RADIL: variants seen among roughly 807,000 people sequenced by gnomAD.
RADIL encodes ras-associating and dilute domain-containing protein.
A neutral mutation model predicts 97.6 loss-of-function variants in RADIL; 99 were observed. That is an observed-to-expected ratio of 1.01 (90% CI 0.86 to 1.20). The LOEUF (loss-of-function observed/expected upper bound fraction) is 1.20. Ranked by LOEUF, RADIL falls within the 50% of genes most tolerant of loss-of-function variation. The pLI is 0.00. For missense variants in RADIL, 1,765 were observed against 1,498.9 expected, an observed-to-expected ratio of 1.18 and a Z score of -2.93; for synonymous variants, 803 against 691.8, an observed-to-expected ratio of 1.16 and a Z score of -2.52.
At position 4,881,057 on chromosome 7, in the gene RADIL, G is replaced by A. The variant is rs1222352742; in HGVS notation, c.-65+2539C>T. Among the ~76,000 whole-genome samples the A allele has an allele frequency of 7.6e-5, 10 of 130,836 alleles. No individual in the cohort carries two copies. The South Asian group carries it at 7.7e-4, about 10-fold the overall frequency. 85.8% of individuals were successfully genotyped at this position (130,836 alleles called of 152,430 possible). ...CCAGGCTACAGTGAGCTATGATTGC[G>A]CCACGTCACTCCAGCCTGGGCAATG... On this transcript the variant is annotated intron_variant, in intron 1 of 14. Coordinates refer to ENST00000399583, the MANE Select transcript of RADIL (RefSeq NM_018059.5).
At chr7:4,853,384 T>G (rs947587178) in intron 2 of RADIL, among the ~76,000 whole-genome samples, 2 of 152,156 alleles carry the variant, frequency 1.3e-5, no homozygotes, top group African/African-American at 4.8e-5. Context: ...GCCTTTTAAA[T>G]AGCAGAAAGG....
intron 9 of RADIL, chr7:4,805,938 G>A (rs973043478): frequency 2.0e-6 from 2 of 985,288 alleles, no homozygotes; most frequent in African/African-American, 3.5e-5. Context: ...AGTGCCATCG[G>A]GAACCCCCTG....
intron 9 of RADIL, chr7:4,806,124 G>C: frequency 1.1e-6 from 1 of 876,814 alleles, no homozygotes; most frequent in Non-Finnish European, 1.4e-6. Context: ...CATCATTTAG[G>C]TGACAGGAGG....
At chr7:4,810,263 A>G (rs996796470) in intron 9 of RADIL, among the ~76,000 whole-genome samples, 40 of 152,194 alleles carry the variant, frequency 2.6e-4, no homozygotes, top group African/African-American at 7.9e-4. Context: ...TGCTTAAGCA[A>G]TTCTCCTGCC....
In RADIL at chr7:4,799,722, C is replaced by T. The variant is rs535167872; in HGVS notation, c.3030G>A (p.Pro1010=). Residue 1010 remains proline (P), a synonymous_variant, in exon 14 of 15, where the codon CCG becomes CCA. Coordinates refer to ENST00000399583, the MANE Select transcript of RADIL (RefSeq NM_018059.5). The part of the protein sequence containing the change: ...APGLYIQTLL[P]GSPAAADGRL... ...GCCCGTCGGCCGCTGCGGGGCTGCC[C>T]GGGAGCAGGGTCTGGATGTAGAGCC... 61 of 1,564,608 alleles carry T rather than the reference C, an allele frequency of 3.9e-5. No homozygotes were observed. The highest frequency in any genetic ancestry group is 1.7e-4 in the Middle Eastern group (1 of 5,898).
At chr7:4,881,704 G>T in intron 1 of RADIL, among the ~76,000 whole-genome samples, 1 of 149,268 alleles carries the variant, frequency 6.7e-6, no homozygotes, top group Admixed American at 6.7e-5. Context: ...TCCAGCCTGG[G>T]CAACAGAGTG....
chr7:4,877,958 G>T lies in RADIL; in HGVS notation c.182C>A (p.Ala61Asp). The change falls in exon 2 of 15, where the codon GCC (alanine) becomes GAC (aspartate). Residue 61 changes from alanine (A) to aspartate (D), a missense_variant. Transcript: ENST00000399583. ...CCCAAACACCTTCAGGACACCAGGG[G>T]CCGACAGCTGGGTGGAGAGCTCGGC... is the stretch of plus-strand genomic sequence containing the variant. ...DPAELSTQLS[A>D]PGVLKVFGDS... 1 of 1,610,826 alleles carries T rather than the reference G, an allele frequency of 6.2e-7. No homozygotes were observed. Among genetic ancestry groups the T allele is most frequent in the South Asian group, 1.1e-5 (1 of 91,076 alleles).
In RADIL at chr7:4,822,135, C is replaced by T. The variant is rs558202088; in HGVS notation, c.1615+259G>A. 2.0e-3 allele frequency among the ~76,000 whole-genome samples: 303 copies of T among 152,172 alleles called. 1 individual carries two copies. The highest frequency in any genetic ancestry group is 2.9e-3 in the Non-Finnish European group (194 of 68,012). ...CTGCGGTCAAGGGGACGCCACCGCA[C>T]GGAGCACACGGGATGATGGGGACAG... On this transcript the variant is annotated intron_variant, in intron 6 of 14. Transcript: ENST00000399583. The surrounding 1 kb of genome is among the most constrained non-coding windows in gnomAD (Gnocchi z 5.3).
At chr7:4,865,773 C>A (rs573276013) in intron 2 of RADIL, 2 of 1,027,698 alleles carry the variant, frequency 1.9e-6, no homozygotes, top group Non-Finnish European at 3.0e-6. Flanking sequence ...TTTTGCCCCC[C>A]TTCACCACAA....
At chr7:4,806,031 C>G (rs1248779100) in intron 9 of RADIL, 1 of 985,490 alleles carries the variant, frequency 1.0e-6, no homozygotes, top group Non-Finnish European at 1.2e-6. Flanking sequence ...GGGAAATGAA[C>G]AGTGAAATCA....
At chr7:4,857,673 G>A (rs962307841) in intron 2 of RADIL, 1 of 152,594 alleles carries the variant, frequency 6.6e-6, no homozygotes, top group Non-Finnish European at 1.5e-5. Context: ...AACAATGTAA[G>A]TACATCTGAA....
At chr7:4,838,781 C>T (rs1783367345) in intron 2 of RADIL, among the ~76,000 whole-genome samples, 1 of 152,256 alleles carries the variant, frequency 6.6e-6, no homozygotes, top group Admixed American at 6.5e-5. Context: ...GACAGAGCCT[C>T]CCTCTGAGTG....
In RADIL at chr7:4,834,387, G is replaced by C. The variant is rs1161259712; in HGVS notation, c.1416+220C>G. Among the ~76,000 whole-genome samples, 1 of 152,162 alleles carries C rather than the reference G, an allele frequency of 6.6e-6. No homozygotes were observed. The highest frequency in any genetic ancestry group is 1.5e-5 in the Non-Finnish European group (1 of 68,032). ...ACCCCACGCAAACCCCACCCTCAGG[G>C]GCAAAGGGCTGCAGCTGACACCTTG... On this transcript the variant is annotated intron_variant, in intron 4 of 14. Transcript: ENST00000399583. The surrounding 1 kb of genome is among the most constrained non-coding windows in gnomAD (Gnocchi z 6.0).
chr7:4,860,759 T>C (rs1783967758), intron 2 of RADIL: 2 of 1,614,180 alleles, frequency 1.2e-6, no homozygotes, highest in Middle Eastern at 3.3e-4. Context: ...TAGCAAAATC[T>C]CGTGTGTGAT....
intron 5 of RADIL, among the ~76,000 whole-genome samples, chr7:4,831,725 C>A (rs1216419629): frequency 2.4e-4 from 34 of 141,636 alleles, no homozygotes; most frequent in Admixed American, 2.9e-4. Flanking sequence ...ACTAAAAGTA[C>A]AAAAAAAAAA....
Position 4,815,843 on chromosome 7 carries a change from T to C in RADIL, c.1966+385A>G, listed in dbSNP as rs575701673. Among the ~76,000 whole-genome samples the C allele has an allele frequency of 1.3e-5, 2 of 152,058 alleles. No homozygotes were observed. Among genetic ancestry groups the C allele is most frequent in the African/African-American group, 4.8e-5 (2 of 41,422 alleles). ...CCCTGCAGGTGATGGGGGAAGTCAC[T>C]CCACAAGGCAGGGTCCAAGGCCAGA... On this transcript the variant is annotated intron_variant, in intron 8 of 14. Coordinates refer to ENST00000399583, the MANE Select transcript of RADIL (RefSeq NM_018059.5). The surrounding 1 kb of genome is among the most constrained non-coding windows in gnomAD (Gnocchi z 8.0).
At position 4,842,863 on chromosome 7, in the gene RADIL, T is replaced by C. The variant is rs1002427523; in HGVS notation, c.536-6258A>G. 1.3e-5 allele frequency among the ~76,000 whole-genome samples: 2 copies of C among 152,108 alleles called. No individual in the cohort carries two copies. The highest frequency in any genetic ancestry group is 2.9e-5 in the Non-Finnish European group (2 of 68,012). On this transcript the variant is annotated intron_variant, in intron 2 of 14. Coordinates refer to ENST00000399583, the MANE Select transcript of RADIL (RefSeq NM_018059.5). The surrounding 1 kb of genome is among the most constrained non-coding windows in gnomAD (Gnocchi z 4.5). ...GGGAACCGGAGACCATTGTACTTAT[T>C]TGCTATGTTGCCCAGGCTGGAGTGC...
intron 13 of RADIL, 29 bp from the exon 14 acceptor site, chr7:4,799,798 C>T (rs1183223829): frequency 1.1e-5 from 17 of 1,479,698 alleles, no homozygotes; most frequent in South Asian, 3.9e-5. Flanking sequence ...CTCAGAGCTC[C>T]GCAGGCCCGA....
rs2115047675 is a variant in RADIL, at chr7:4,873,226, C to A, written c.535+4379G>T. 6.6e-6 allele frequency among the ~76,000 whole-genome samples: 1 copy of A among 152,322 alleles called. No homozygotes were observed. Among genetic ancestry groups the A allele is most frequent in the East Asian group, 1.9e-4 (1 of 5,182 alleles). ...GGGATTACACGCGTGAGCCACCGCG[C>A]CCGGCCAAGTGTGACTCTTACCATA... On this transcript the variant is annotated intron_variant, in intron 2 of 14. Transcript: ENST00000399583. The surrounding 1 kb of genome is among the most constrained non-coding windows in gnomAD (Gnocchi z 4.3).
Sources: allele counts gnomAD v4.1 joint callset (sites outside exome capture counted in the v4.1 genomes callset), GRCh38; gene constraint gnomAD v4.1.1; non-coding constraint Gnocchi (gnomAD v3.1); transcripts MANE v1.5; gene names NCBI Gene and HGNC (gene_info 2026-07-23, HGNC 2026-07-21).